TMEM132D: variants seen among roughly 807,000 people sequenced by gnomAD.
The protein encoded by TMEM132D is mature OL transmembrane protein.
Under a neutral mutation model 62.3 loss-of-function variants are expected in TMEM132D, and 21 were observed. That is an observed-to-expected ratio of 0.34 (90% CI 0.24 to 0.49). The LOEUF (loss-of-function observed/expected upper bound fraction) is 0.49, where lower values mean the gene tolerates loss of function less well. TMEM132D is among the 20% of genes least tolerant of loss of function. The probability of loss-of-function intolerance (pLI) is 0.99; values close to 1 mark genes in which losing one functional copy is unlikely to be tolerated. For synonymous variants in TMEM132D, 621 were observed against 575.6 expected (o/e 1.08, Z -1.13); for missense variants, 1,346 against 1,402.8 (o/e 0.96, Z 0.65).
intron 3 of TMEM132D, among the ~76,000 whole-genome samples, chr12:129,361,233 G>C (rs937869462): frequency 6.6e-6 from 1 of 152,202 alleles, no homozygotes; most frequent in Admixed American, 6.5e-5. Context: ...ATGGACAGCA[G>C]GGGAACTGGC....
chr12:129,676,986 A>G (rs1654220317), intron 2 of TMEM132D, among the ~76,000 whole-genome samples: 1 of 152,218 alleles, frequency 6.6e-6, no homozygotes, highest in Non-Finnish European at 1.5e-5. Context: ...AAATTTACAT[A>G]TCAGAATAGC....
At chr12:129,796,200 A>G (rs1342509546) in intron 1 of TMEM132D, among the ~76,000 whole-genome samples, 3 of 152,124 alleles carry the variant, frequency 2.0e-5, no homozygotes, top group African/African-American at 4.8e-5. Context: ...ATTAATGAAT[A>G]CTAAAATTAA....
At chr12:129,565,516 C>T (rs1221986767) in intron 2 of TMEM132D, among the ~76,000 whole-genome samples, 1 of 152,176 alleles carries the variant, frequency 6.6e-6, no homozygotes, top group Admixed American at 6.5e-5. Context: ...CAGGTGCAAG[C>T]CCCTCTTTCC....
intron 2 of TMEM132D, among the ~76,000 whole-genome samples, chr12:129,635,499 G>T (rs759952369): frequency 1.1e-4 from 16 of 152,268 alleles, no homozygotes; most frequent in African/African-American, 3.1e-4. Flanking sequence ...AGAAGCCTCA[G>T]GTCAAGGGAA....
intron 3 of TMEM132D, among the ~76,000 whole-genome samples, chr12:129,387,495 G>A (rs1370544815): frequency 2.6e-5 from 4 of 150,968 alleles, no homozygotes; most frequent in Non-Finnish European, 4.4e-5. Flanking sequence ...TAACACTAAC[G>A]TTAATGCCAA....
chr12:129,366,546 C>G (rs1204493932), intron 3 of TMEM132D, among the ~76,000 whole-genome samples: 2 of 152,204 alleles, frequency 1.3e-5, no homozygotes, highest in African/African-American at 2.4e-5. Flanking sequence ...GAACCACGAG[C>G]AAATTAAACC....
chr12:129,427,065 G>A lies in TMEM132D; in HGVS notation c.1116-89248C>T, dbSNP rs531924204. On this transcript the variant is annotated intron_variant, in intron 3 of 8. Coordinates refer to ENST00000422113, the MANE Select transcript of TMEM132D (RefSeq NM_133448.3). ...AAGGATGTTTGCAAGAAATAAATAC[G>A]ATCCCATATGGGAAGCACACATGCT... 1.4e-4 allele frequency among the ~76,000 whole-genome samples: 22 copies of A among 152,262 alleles called. No homozygotes were observed. The South Asian group carries it at 2.7e-3, about 19-fold the overall frequency.
chr12:129,209,261 C>G (rs1878952477), intron 5 of TMEM132D, among the ~76,000 whole-genome samples: 1 of 152,122 alleles, frequency 6.6e-6, no homozygotes, highest in Non-Finnish European at 1.5e-5. Flanking sequence ...GGGAAGAGGC[C>G]AAGGGCATTC....
chr12:129,803,010 C>A (rs993821657), intron 1 of TMEM132D, among the ~76,000 whole-genome samples: 2 of 150,514 alleles, frequency 1.3e-5, no homozygotes, highest in African/African-American at 4.9e-5. Context: ...ATATATGCAC[C>A]CAATACAGGA....
At chr12:129,516,504 A>C (rs752610336) in intron 3 of TMEM132D, among the ~76,000 whole-genome samples, 38 of 152,330 alleles carry the variant, frequency 2.5e-4, no homozygotes, top group Admixed American at 1.8e-3. Context: ...AGAGAAAATG[A>C]GAGCTAAGTG....
chr12:129,244,404 A>C (rs76945161), intron 4 of TMEM132D, among the ~76,000 whole-genome samples: 1 of 126,596 alleles, frequency 7.9e-6, no homozygotes, highest in Admixed American at 7.6e-5. Flanking sequence ...AAAAAAAAAA[A>C]AAAAACAAAC....
At chr12:129,832,787 C>A (rs747686150) in intron 1 of TMEM132D, among the ~76,000 whole-genome samples, 1 of 152,150 alleles carries the variant, frequency 6.6e-6, no homozygotes, top group Non-Finnish European at 1.5e-5. Flanking sequence ...TTTATGGAGC[C>A]GTCACTTTTC....
At chr12:129,523,705 G>A (rs1875924933) in intron 3 of TMEM132D, among the ~76,000 whole-genome samples, 1 of 152,118 alleles carries the variant, frequency 6.6e-6, no homozygotes, top group Non-Finnish European at 1.5e-5. Flanking sequence ...GTAAATTAAG[G>A]CAAATCTCAC....
chr12:129,121,101 A>G (rs932205447), intron 5 of TMEM132D, among the ~76,000 whole-genome samples: 4 of 147,352 alleles, frequency 2.7e-5, no homozygotes, highest in African/African-American at 9.9e-5. Flanking sequence ...TATTTTATTT[A>G]TTTGTTTTTT....
intron 5 of TMEM132D, among the ~76,000 whole-genome samples, chr12:129,116,509 C>A (rs1265125862): frequency 6.6e-6 from 1 of 151,646 alleles, no homozygotes; most frequent in Non-Finnish European, 1.5e-5. Context: ...TTAAAAAAAA[C>A]TAGTATAGAA....
intron 2 of TMEM132D, among the ~76,000 whole-genome samples, chr12:129,594,161 G>A (rs745983739): frequency 2.6e-5 from 4 of 152,248 alleles, no homozygotes; most frequent in Non-Finnish European, 2.9e-5. Flanking sequence ...ACCACGGGGC[G>A]CTTCCCAGCG....
At chr12:129,887,280 C>T (rs903449420) in intron 1 of TMEM132D, among the ~76,000 whole-genome samples, 4 of 152,146 alleles carry the variant, frequency 2.6e-5, no homozygotes, top group African/African-American at 4.8e-5. Flanking sequence ...ATTACTCACA[C>T]GTGGCAATCC....
chr12:129,752,251 C>A (rs187564459), intron 1 of TMEM132D, among the ~76,000 whole-genome samples: 32 of 152,130 alleles, frequency 2.1e-4, no homozygotes, highest in East Asian at 9.7e-4. Flanking sequence ...ACACACACAC[C>A]CCCCTCAATG....
At chr12:129,344,856 C>G (rs1408922834) in intron 3 of TMEM132D, among the ~76,000 whole-genome samples, 1 of 151,988 alleles carries the variant, frequency 6.6e-6, no homozygotes, top group African/African-American at 2.4e-5. Flanking sequence ...GAGCAAAAAG[C>G]ATTGATGGCT....
Sources: allele counts gnomAD v4.1 joint callset (sites outside exome capture counted in the v4.1 genomes callset), GRCh38; gene constraint gnomAD v4.1.1; transcripts MANE v1.5; gene names NCBI Gene and HGNC (gene_info 2026-07-23, HGNC 2026-07-21).